DHX9: variants seen among roughly 807,000 people sequenced by gnomAD.
The protein encoded by DHX9 is DExH-box helicase 9.
Under a neutral mutation model 148.7 loss-of-function variants are expected in DHX9, and 27 were observed. The observed-to-expected ratio is 0.18, with a 90% CI of 0.13 to 0.25. The LOEUF (loss-of-function observed/expected upper bound fraction) is 0.25, where lower values mean the gene tolerates loss of function less well. Ranked by LOEUF, DHX9 falls within the 10% of genes least tolerant of loss-of-function variation. The pLI is 1.00. For missense variants in DHX9, 796 were observed against 1,559.6 expected, an observed-to-expected ratio of 0.51 and a Z score of 8.25; for synonymous variants, 529 against 516.6, an observed-to-expected ratio of 1.02 and a Z score of -0.33.
intron 1 of DHX9, among the ~76,000 whole-genome samples, chr1:182,840,588 G>C (rs1667906384): frequency 6.6e-6 from 1 of 152,120 alleles, no homozygotes; most frequent in Non-Finnish European, 1.5e-5. Flanking sequence ...GTGAGCCTCC[G>C]CGCCCGCCCG....
intron 17 of DHX9, 45 bp from the exon 18 acceptor site, chr1:182,876,402 C>A: frequency 6.4e-7 from 1 of 1,571,792 alleles, no homozygotes. Context: ...CTGTTTGAAA[C>A]CAGCTCCTGT....
At chr1:182,883,431 A>G in intron 25 of DHX9, 63 bp downstream of exon 25, 2 of 1,581,152 alleles carry the variant, frequency 1.3e-6, no homozygotes, top group Non-Finnish European at 1.7e-6. Flanking sequence ...CATTAGGAAC[A>G]TGAATTTTGA....
intron 1 of DHX9, among the ~76,000 whole-genome samples, chr1:182,840,299 CT>C (rs572795237): frequency 9.8e-4 from 103 of 105,518 alleles, no homozygotes; most frequent in South Asian, 4.0e-3. Flanking sequence ...ATTCTTGCGC[CT>C]TTTTTTTTTT....
chr1:182,877,884 T>C, intron 19 of DHX9, 137 bp from the exon 20 acceptor site: 2 of 974,304 alleles, frequency 2.1e-6, no homozygotes, highest in South Asian at 3.5e-5. Flanking sequence ...TGATTCTTAC[T>C]TGTGCCATTC....
At chr1:182,856,222 A>T (rs943410786) in intron 6 of DHX9, among the ~76,000 whole-genome samples, 2 of 152,202 alleles carry the variant, frequency 1.3e-5, no homozygotes, top group Non-Finnish European at 2.9e-5. Context: ...CTTTTCATTG[A>T]ATGTGTTCTA....
intron 15 of DHX9, among the ~76,000 whole-genome samples, chr1:182,873,337 G>T (rs1167257110): frequency 2.0e-5 from 3 of 152,106 alleles, no homozygotes; most frequent in East Asian, 1.9e-4. Context: ...AAGAATTATG[G>T]TACATTCTAA....
intron 15 of DHX9, 80 bp downstream of exon 15, chr1:182,872,573 A>G: frequency 7.1e-7 from 1 of 1,398,616 alleles, no homozygotes; most frequent in Non-Finnish European, 9.8e-7. Context: ...TTGGAGTTAC[A>G]ATTTAAAGAA....
In DHX9 at chr1:182,858,810, A is replaced by T; in HGVS notation, c.978A>T (p.Gln326His). The change falls in exon 10 of 28, where the codon CAA becomes CAT. Residue 326 changes from glutamine (Q) to histidine (H), a missense_variant. By Grantham distance (24) the Gln-to-His change is conservative. This residue lies in a region of DHX9 where 63 missense variants were observed against 78.6 expected (regional missense o/e 0.80). Transcript: ENST00000367549. ...TCGAACCATCTCAGCGACAAAACCA[A>T]GTGGGTGTGGTTCCTTGGTCACCTC... is the stretch of plus-strand genomic sequence containing the variant. The part of the protein sequence containing the change: ...AQFEPSQRQN[Q>H]VGVVPWSPPQ... The T allele has an allele frequency of 6.2e-7, 1 of 1,614,186 alleles. No individual in the cohort carries two copies. Among genetic ancestry groups the T allele is most frequent in the Non-Finnish European group, 8.5e-7 (1 of 1,180,030 alleles).
At chr1:182,861,959 T>A (rs1668370739) in intron 12 of DHX9, among the ~76,000 whole-genome samples, 1 of 152,214 alleles carries the variant, frequency 6.6e-6, no homozygotes, top group Non-Finnish European at 1.5e-5. Context: ...GTCTAAGATT[T>A]AAACACACTC....
chr1:182,866,603 A>AT lies in DHX9; in HGVS notation c.1474+23dup. ...TACTGTAGGTCAGTAATGTATTTTG[A>AT]TTTTTCATTTGGGGTTTATATTGTG... On this transcript the variant is annotated intron_variant, in intron 13 of 27. Transcript: ENST00000367549. The AT allele has an allele frequency of 6.2e-7, 1 of 1,602,706 alleles. No individual in the cohort carries two copies. Among genetic ancestry groups the AT allele is most frequent in the South Asian group, 1.1e-5 (1 of 89,786 alleles).
At chr1:182,872,564 T>G in intron 15 of DHX9, 71 bp downstream of exon 15, 1 of 1,464,920 alleles carries the variant, frequency 6.8e-7, no homozygotes, top group Non-Finnish European at 9.3e-7. Context: ...TCCTGGAGAT[T>G]GGAGTTACAA....
intron 15 of DHX9, among the ~76,000 whole-genome samples, chr1:182,873,077 T>C (rs945795529): frequency 1.1e-4 from 17 of 152,126 alleles, no homozygotes; most frequent in African/African-American, 4.1e-4. Flanking sequence ...CATCTCAGCT[T>C]CCTGAGTACC....
chr1:182,868,520 C>CTT lies in DHX9; in HGVS notation c.1557+1490_1557+1491dup, dbSNP rs59218081. Among the ~76,000 whole-genome samples, 25 of 127,508 alleles carry CTT rather than the reference C, an allele frequency of 2.0e-4. 1 individual carries two copies. The highest frequency in any genetic ancestry group is 5.4e-4 in the African/African-American group (15 of 27,868). The allele number at this position is 127,508 out of a possible 152,430, so 83.7% of individuals were successfully genotyped here. ...GATAATCTAACACTTATTTTAATTC[C>CTT]TTTTTTTTTTTTTTGAGGAGTCTTG... On this transcript the variant is annotated intron_variant, in intron 14 of 27. Transcript: ENST00000367549.
chr1:182,849,992 C>CCCCT (rs1491331436), intron 3 of DHX9, among the ~76,000 whole-genome samples: 23 of 106,980 alleles, frequency 2.1e-4, no homozygotes, highest in African/African-American at 6.8e-4. Flanking sequence ...ACCCCCCCCC[C>CCCCT]TTTTTTTTTT....
At chr1:182,884,045 G>A (rs1649208834) in intron 26 of DHX9, among the ~76,000 whole-genome samples, 1 of 152,134 alleles carries the variant, frequency 6.6e-6, no homozygotes, top group African/African-American at 2.4e-5. Context: ...GCTGGGTGCG[G>A]CACATCACTT....
rs765866893 is a variant in DHX9 at position 182,876,518 on chromosome 1, C to G, written c.2101C>G (p.Pro701Ala). The part of the protein sequence containing the change: ...PREEQRKVFD[P>A]VPVGVTKVIL... ...AGAGGAACAGCGCAAAGTGTTTGATCCAGTACCAGTTGGAGTAACCAAGGT... is the reference window on the plus strand; with the variant it reads ...AGAGGAACAGCGCAAAGTGTTTGATGCAGTACCAGTTGGAGTAACCAAGGT... Residue 701 changes from proline to alanine, a missense_variant, in exon 18 of 28, where the codon CCA (proline) becomes GCA (alanine). Transcript: ENST00000367549. 12 of 1,612,066 alleles carry G rather than the reference C, an allele frequency of 7.4e-6. No individual in the cohort carries two copies. The highest frequency in any genetic ancestry group is 1.7e-6 in the Non-Finnish European group (2 of 1,179,616).
At position 182,858,565 on chromosome 1, in the gene DHX9, A is replaced by T. The variant is rs781709109; in HGVS notation, c.825A>T (p.Lys275Asn). 1 of 1,610,202 alleles carries T rather than the reference A, an allele frequency of 6.2e-7. No individual in the cohort carries two copies. The highest frequency in any genetic ancestry group is 1.1e-5 in the South Asian group (1 of 90,832). ...KKEGETVEPYKVNLSQDLEHQ... is the reference protein window; with the variant it reads ...KKEGETVEPYNVNLSQDLEHQ... ...TTTTTCCATAGGTGGAGCCTTACAA[A>T]GTAAACCTCTCTCAAGATTTAGAGC... Residue 275 changes from lysine to asparagine, a missense_variant, in exon 9 of 28, where the codon AAA (lysine) becomes AAT (asparagine). Coordinates refer to ENST00000367549, the MANE Select transcript of DHX9 (RefSeq NM_001357.5).
At chr1:182,852,640 T>C (rs982196053) in intron 4 of DHX9, among the ~76,000 whole-genome samples, 25 of 152,244 alleles carry the variant, frequency 1.6e-4, no homozygotes, top group Admixed American at 7.8e-4. Flanking sequence ...CTTTTCTTGT[T>C]CCTTATTCTT....
In DHX9 at chr1:182,887,430, A is replaced by G. The variant is rs1465314699; in HGVS notation, c.3809A>G (p.Tyr1270Cys). The G allele has an allele frequency of 1.9e-6, 3 of 1,612,118 alleles. No individual in the cohort carries two copies. The African/African-American group carries it at 4.0e-5, about 22-fold the overall frequency. ...YFGQGRGGGG[Y>C] ...GGACAGGGAAGAGGAGGTGGCGGCT[A>G]TTAAAACTTGGTTATGTCAGTTCCT... Residue 1270 changes from tyrosine (Y) to cysteine (C), a missense_variant, in exon 28 of 28, where the codon TAT (tyrosine) becomes TGT (cysteine). Physicochemically the swap from Tyr to Cys is radical, Grantham distance 194. This residue lies in a region of DHX9 where 98 missense variants were observed against 105.5 expected (regional missense o/e 0.93). Coordinates refer to ENST00000367549, the MANE Select transcript of DHX9 (RefSeq NM_001357.5).
Sources: allele counts gnomAD v4.1 joint callset (sites outside exome capture counted in the v4.1 genomes callset), GRCh38; gene constraint gnomAD v4.1.1; regional missense constraint gnomAD v4.1.1; transcripts MANE v1.5; gene names NCBI Gene and HGNC (gene_info 2026-07-23, HGNC 2026-07-21).